Variants in FUBP3 observed in about 807,000 individuals in gnomAD.
FUBP3 encodes the protein far upstream element binding protein 3, also known as far upstream element-binding protein 3.
FUBP3 carries 28 observed loss-of-function variants against 85.6 expected under a neutral mutation model. The observed-to-expected ratio is 0.33, with a 90% CI of 0.24 to 0.45. The LOEUF is 0.45. Ranked by LOEUF, FUBP3 falls within the 20% of genes least tolerant of loss-of-function variation. FUBP3 has a pLI of 1.00. For missense variants in FUBP3, 583 were observed against 755.1 expected, an observed-to-expected ratio of 0.77 and a Z score of 2.67; for synonymous variants, 271 against 271.4, an observed-to-expected ratio of 1.00 and a Z score of 0.01.
At chr9:130,632,156 G>T (rs1389058169) in intron 15 of FUBP3, 46 bp from the exon 16 acceptor site, 1 of 1,534,930 alleles carries the variant, frequency 6.5e-7, no homozygotes, top group South Asian at 1.1e-5. Flanking sequence ...GACGACAGGG[G>T]TGACTTGCCC....
intron 11 of FUBP3, among the ~76,000 whole-genome samples, chr9:130,624,280 C>CT (rs1829874573): frequency 6.6e-6 from 1 of 152,226 alleles, no homozygotes; most frequent in Non-Finnish European, 1.5e-5. Context: ...TTGGAGCTGC[C>CT]TTTGAACCTC....
chr9:130,585,244 G>T (rs1830292697), intron 1 of FUBP3, among the ~76,000 whole-genome samples: 1 of 152,240 alleles, frequency 6.6e-6, no homozygotes, highest in Non-Finnish European at 1.5e-5. Flanking sequence ...ATCAGCAGGA[G>T]CTGAGTAGCT....
At chr9:130,580,361 CTT>C (rs111819787) in intron 1 of FUBP3, among the ~76,000 whole-genome samples, 106 of 152,304 alleles carry the variant, frequency 7.0e-4, no homozygotes, top group Middle Eastern at 6.8e-3. Flanking sequence ...GACATTGAAA[CTT>C]TACTGTCTGA....
rs1393244340 is a variant in FUBP3, at chr9:130,616,983, G to T, written c.567+466G>T. Among the ~76,000 whole-genome samples, 2 of 152,182 alleles carry T rather than the reference G, an allele frequency of 1.3e-5. No individual in the cohort carries two copies. The highest frequency in any genetic ancestry group is 2.9e-5 in the Non-Finnish European group (2 of 68,030). On this transcript the variant is annotated intron_variant, in intron 7 of 18. Transcript: ENST00000319725. This position sits in a 1 kb window ranked among gnomAD's most constrained non-coding sequence, Gnocchi z 4.7. ...TTGTGATGGAGCTAAAATAATAGCC[G>T]TTCTTTTCTTTTTATGTAAGAGCCT...
intron 8 of FUBP3, among the ~76,000 whole-genome samples, chr9:130,618,811 G>A (rs1832145412): frequency 6.6e-6 from 1 of 152,232 alleles, no homozygotes; most frequent in African/African-American, 2.4e-5. Context: ...ATTGCCCCCA[G>A]TTCTGAACCC....
chr9:130,624,558 T>C lies in FUBP3; in HGVS notation c.975+847T>C, dbSNP rs561672744. ...GCTGCACGCAGCCCAGGAACAGCAT[T>C]GAATGCAGCCCAACACAAATTCATA... On this transcript the variant is annotated intron_variant, in intron 11 of 18. Coordinates refer to ENST00000319725, the MANE Select transcript of FUBP3 (RefSeq NM_003934.2). Among the ~76,000 whole-genome samples the C allele has an allele frequency of 3.3e-5, 5 of 151,928 alleles. No individual in the cohort carries two copies. The South Asian group carries it at 1.0e-3, about 32-fold the overall frequency.
chr9:130,588,175 A>G (rs750508111), intron 1 of FUBP3, among the ~76,000 whole-genome samples: 1 of 152,168 alleles, frequency 6.6e-6, no homozygotes, highest in Non-Finnish European at 1.5e-5. Context: ...TGATGTGATT[A>G]TTAAGAGACA....
At chr9:130,621,159 A>G (rs1011061038) in intron 9 of FUBP3, among the ~76,000 whole-genome samples, 5 of 152,156 alleles carry the variant, frequency 3.3e-5, no homozygotes, top group African/African-American at 7.2e-5. Flanking sequence ...AGCCACAATA[A>G]AAGAAAAATG....
intron 14 of FUBP3, 56 bp downstream of exon 14, chr9:130,631,686 C>G (rs1830217050): frequency 5.1e-6 from 7 of 1,376,888 alleles, no homozygotes; most frequent in Non-Finnish European, 7.2e-6. Flanking sequence ...CCAGAGATCC[C>G]CTGTCGTTTC....
intron 1 of FUBP3, among the ~76,000 whole-genome samples, chr9:130,587,054 T>TG (rs2119005771): frequency 2.2e-5 from 2 of 90,528 alleles, no homozygotes; most frequent in South Asian, 3.8e-4. Flanking sequence ...CGGCGTTTTT[T>TG]GTTTTTTTTT....
chr9:130,614,190 G>A, intron 5 of FUBP3, 98 bp from the exon 6 acceptor site: 1 of 686,476 alleles, frequency 1.5e-6, no homozygotes, highest in Non-Finnish European at 2.6e-6. Flanking sequence ...GCCTCTGCAG[G>A]GCTGGCGTAG....
intron 1 of FUBP3, among the ~76,000 whole-genome samples, chr9:130,594,869 CT>C (rs10710760): frequency 0.5 from 64,122 of 129,088 alleles, 13,613 homozygotes; most frequent in East Asian, 0.71. Context: ...TGTTGGCTTG[CT>C]TTTTTTTTTT....
chr9:130,588,282 T>C (rs919858924), intron 1 of FUBP3, among the ~76,000 whole-genome samples: 1 of 152,210 alleles, frequency 6.6e-6, no homozygotes, highest in Non-Finnish European at 1.5e-5. Context: ...GTCTTAGTTT[T>C]CTCATCTGTA....
At chr9:130,589,960 C>G (rs1025619227) in intron 1 of FUBP3, among the ~76,000 whole-genome samples, 1 of 149,068 alleles carries the variant, frequency 6.7e-6, no homozygotes, top group Non-Finnish European at 1.5e-5. Context: ...AAACGATCCT[C>G]CTACCCCAGC....
At chr9:130,630,187 G>C (rs879563828) in intron 12 of FUBP3, among the ~76,000 whole-genome samples, 1 of 152,210 alleles carries the variant, frequency 6.6e-6, no homozygotes, top group Admixed American at 6.5e-5. Flanking sequence ...CCACAGCCAG[G>C]CTGAAGGCCC....
rs1009347795 is a variant in FUBP3 at position 130,579,631 on chromosome 9, C to G, written c.-50C>G. On this transcript the variant is annotated 5_prime_UTR_variant, in exon 1 of 19. Transcript: ENST00000319725. ...CGGGAGGCCGGACCGGGGAGCCGAG[C>G]GGCGGCGTCGGCGGCGTCGGCGGCG... 3 of 1,077,232 alleles carry G rather than the reference C, an allele frequency of 2.8e-6. No individual in the cohort carries two copies. Among genetic ancestry groups the G allele is most frequent in the African/African-American group, 1.6e-5 (1 of 60,898 alleles). 66.7% of individuals were successfully genotyped at this position (1,077,232 alleles called of 1,614,324 possible). A position where few individuals can be genotyped will look rare whatever the true frequency, so the allele number is the denominator to read the frequency against.
rs147667111 is a variant in FUBP3, at chr9:130,584,044, C to G, written c.84+4280C>G. Reference sequence around the variant, plus strand: ...GCACCGTGCCCCCATGCCTGGCTGTCTTTATTTTAAAATCTGATAGCCCAT... The same window carrying G: ...GCACCGTGCCCCCATGCCTGGCTGTGTTTATTTTAAAATCTGATAGCCCAT... On this transcript the variant is annotated intron_variant, in intron 1 of 18. Coordinates refer to ENST00000319725, the MANE Select transcript of FUBP3 (RefSeq NM_003934.2). 5.4e-3 allele frequency among the ~76,000 whole-genome samples: 815 copies of G among 152,150 alleles called. 9 individuals are homozygous for G. Among genetic ancestry groups the G allele is most frequent in the Non-Finnish European group, 8.7e-3 (594 of 68,006 alleles).
chr9:130,607,345 A>G (rs779524997), intron 2 of FUBP3, among the ~76,000 whole-genome samples: 12 of 151,364 alleles, frequency 7.9e-5, no homozygotes, highest in Non-Finnish European at 1.3e-4. Context: ...AGAATTTATG[A>G]TATCGTAGGA....
chr9:130,590,573 G>A (rs1276702503), intron 1 of FUBP3, among the ~76,000 whole-genome samples: 4 of 152,234 alleles, frequency 2.6e-5, no homozygotes, highest in Non-Finnish European at 5.9e-5. Flanking sequence ...AGATAAGGAG[G>A]AGAGTGGCCT....
Sources: gnomAD v4.1 joint callset for allele counts (sites outside exome capture counted in the v4.1 genomes callset) on GRCh38, gnomAD v4.1.1 for gene constraint, Gnocchi (gnomAD v3.1) non-coding constraint, MANE v1.5 for transcripts, NCBI Gene and HGNC (gene_info 2026-07-23, HGNC 2026-07-21) for gene names.